Variants in EDEM1 observed in about 807,000 individuals in gnomAD.
The protein encoded by EDEM1 is ER degradation-enhancing alpha-mannosidase-like protein 1.
Under a neutral mutation model 74.4 loss-of-function variants are expected in EDEM1, and 67 were observed. The observed-to-expected ratio is 0.90, with a 90% CI of 0.74 to 1.10. The LOEUF is 1.10. Ranked by LOEUF, EDEM1 falls within the 50% of genes least tolerant of loss-of-function variation. The pLI is 0.00. For synonymous variants in EDEM1, 382 were observed against 335.9 expected (o/e 1.14, Z -1.50); for missense variants, 926 against 851.6 (o/e 1.09, Z -1.09).
Position 5,188,126 on chromosome 3 carries a change from G to C in EDEM1, c.321G>C (p.Arg107=). ...PANWGYVLGG[R]GRGPDEYEKR... ...ACTGGGGCTACGTGCTGGGCGGCCG[G>C]GGCCGCGGCCCGGACGAGTACGAGA... is the stretch of plus-strand genomic sequence containing the variant. Residue 107 remains arginine, a synonymous_variant, in exon 1 of 12, where the codon CGG becomes CGC. Transcript: ENST00000256497. 3 of 1,527,136 alleles carry C rather than the reference G, an allele frequency of 2.0e-6. No homozygotes were observed. The highest frequency in any genetic ancestry group is 2.6e-6 in the Non-Finnish European group (3 of 1,136,858). The allele number at this position is 1,527,136 out of a possible 1,614,324, so 94.6% of individuals were successfully genotyped here.
intron 5 of EDEM1, among the ~76,000 whole-genome samples, chr3:5,204,629 C>G (rs1055825464): frequency 2.6e-5 from 4 of 152,170 alleles, no homozygotes; most frequent in South Asian, 4.1e-4. Context: ...TGAGCTCAAG[C>G]GATCCACCTG....
At chr3:5,189,748 G>C (rs1007811539) in intron 1 of EDEM1, among the ~76,000 whole-genome samples, 1 of 152,110 alleles carries the variant, frequency 6.6e-6, no homozygotes, top group Non-Finnish European at 1.5e-5. Context: ...CTACAGACTC[G>C]TGCCACCACG....
At chr3:5,197,279 G>A (rs2054981223) in intron 2 of EDEM1, among the ~76,000 whole-genome samples, 1 of 152,104 alleles carries the variant, frequency 6.6e-6, no homozygotes, top group Admixed American at 6.5e-5. Flanking sequence ...GTTTCTAAAT[G>A]AACTTGAGAA....
intron 5 of EDEM1, among the ~76,000 whole-genome samples, chr3:5,204,180 A>C (rs555895318): frequency 6.6e-6 from 1 of 152,142 alleles, no homozygotes; most frequent in Admixed American, 6.5e-5. Context: ...CCGATTGTCA[A>C]CTTTTTAGGT....
chr3:5,202,332 A>G (rs758857997), intron 4 of EDEM1, among the ~76,000 whole-genome samples: 3 of 152,190 alleles, frequency 2.0e-5, no homozygotes, highest in African/African-American at 7.2e-5. Context: ...GTTCTTTTCA[A>G]TGCTTCACGT....
intron 10 of EDEM1, among the ~76,000 whole-genome samples, chr3:5,212,043 A>G (rs1179015951): frequency 6.6e-6 from 1 of 152,238 alleles, no homozygotes; most frequent in Non-Finnish European, 1.5e-5. Flanking sequence ...AATTGTGTTT[A>G]TCTAGTTCCG....
chr3:5,195,420 T>C (rs762056492), intron 2 of EDEM1, 139 bp downstream of exon 2: 6 of 431,534 alleles, frequency 1.4e-5, no homozygotes, highest in Admixed American at 4.3e-5. Flanking sequence ...TTATTTATTT[T>C]AATGACCTTA....
intron 2 of EDEM1, among the ~76,000 whole-genome samples, chr3:5,196,209 C>A (rs907859167): frequency 6.6e-6 from 1 of 152,190 alleles, no homozygotes; most frequent in African/African-American, 2.4e-5. Context: ...GTAATCCCAG[C>A]ACTTAGGGCG....
chr3:5,208,525 C>T (rs1183141994), intron 8 of EDEM1, among the ~76,000 whole-genome samples: 1 of 152,074 alleles, frequency 6.6e-6, no homozygotes, highest in Non-Finnish European at 1.5e-5. Flanking sequence ...ACTTATAACT[C>T]ACATCTTTAA....
At chr3:5,196,935 C>CTTT (rs547304238) in intron 2 of EDEM1, among the ~76,000 whole-genome samples, 4 of 138,414 alleles carry the variant, frequency 2.9e-5, no homozygotes, top group African/African-American at 7.9e-5. Flanking sequence ...CTTTTCTTTT[C>CTTT]TTTTTTTTTT....
rs756939435 is a variant in EDEM1, at chr3:5,187,717, C to T, written c.-89C>T. ...ACGGGGGAGTTCCTTAAAGGGGAAG[C>T]GAGCCGGGCTACGGGGCGAGCGCGG... On this transcript the variant is annotated 5_prime_UTR_variant, in exon 1 of 12. Coordinates refer to ENST00000256497, the MANE Select transcript of EDEM1 (RefSeq NM_014674.3). The T allele has an allele frequency of 4.8e-5, 67 of 1,390,788 alleles. 1 individual carries two copies. The South Asian group carries it at 5.1e-4, about 11-fold the overall frequency. The allele number at this position is 1,390,788 out of a possible 1,614,324, so 86.2% of individuals were successfully genotyped here. A position where few individuals can be genotyped will look rare whatever the true frequency, so the allele number is the denominator to read the frequency against.
chr3:5,214,630 C>T (rs2055208635), intron 11 of EDEM1, among the ~76,000 whole-genome samples: 1 of 152,226 alleles, frequency 6.6e-6, no homozygotes, highest in Non-Finnish European at 1.5e-5. Context: ...CTGTTTACTT[C>T]TAACAACAGC....
chr3:5,196,907 G>A (rs899276134), intron 2 of EDEM1, among the ~76,000 whole-genome samples: 2 of 151,316 alleles, frequency 1.3e-5, no homozygotes, highest in Non-Finnish European at 2.9e-5. Flanking sequence ...CTTTGTCATC[G>A]TCGTCGTCTT....
At chr3:5,215,132 T>C (rs911070898) in intron 11 of EDEM1, among the ~76,000 whole-genome samples, 8 of 151,918 alleles carry the variant, frequency 5.3e-5, no homozygotes, top group African/African-American at 1.9e-4. Flanking sequence ...TTGCCAGGGA[T>C]GAGGAGCAGG....
chr3:5,208,039 T>G (rs891815462), intron 7 of EDEM1, 54 bp from the exon 8 acceptor site: 21 of 1,514,608 alleles, frequency 1.4e-5, no homozygotes, highest in Non-Finnish European at 1.8e-5. Context: ...TTGTGCCATG[T>G]CTTGTCACTC....
At chr3:5,195,158 C>T (rs1301206419) in intron 1 of EDEM1, 51 bp from the exon 2 acceptor site, 2 of 1,129,090 alleles carry the variant, frequency 1.8e-6, no homozygotes, top group South Asian at 1.7e-5. Flanking sequence ...CTTTTATTGT[C>T]TTCTCTTTTG....
At chr3:5,201,654 G>A in intron 3 of EDEM1, 99 bp from the exon 4 acceptor site, 2 of 1,430,562 alleles carry the variant, frequency 1.4e-6, no homozygotes, top group South Asian at 1.2e-5. Flanking sequence ...GCAGTTCTGA[G>A]TCTATGTGGA....
chr3:5,190,999 C>G (rs2054895988), intron 1 of EDEM1, among the ~76,000 whole-genome samples: 1 of 151,966 alleles, frequency 6.6e-6, no homozygotes, highest in South Asian at 2.1e-4. Flanking sequence ...ATTGGGTATC[C>G]AACCCCTCAA....
Position 5,204,713 on chromosome 3 carries a change from C to CT in EDEM1, c.1043-347dup, listed in dbSNP as rs529977856. Among the ~76,000 whole-genome samples the CT allele has an allele frequency of 1.4e-3, 215 of 152,204 alleles. 1 individual carries two copies. Among genetic ancestry groups the CT allele is most frequent in the African/African-American group, 4.9e-3 (204 of 41,524 alleles). On this transcript the variant is annotated intron_variant, in intron 5 of 11. Transcript: ENST00000256497. ...GGCCACTTTTTCTTTTTAAAATCAT[C>CT]TTTTTTTGGATAAATTCCCAGGAAT...
Sources: gnomAD v4.1 joint callset for allele counts (sites outside exome capture counted in the v4.1 genomes callset) on GRCh38, gnomAD v4.1.1 for gene constraint, MANE v1.5 for transcripts, NCBI Gene and HGNC (gene_info 2026-07-23, HGNC 2026-07-21) for gene names.